CNTN4: variants seen among roughly 807,000 people sequenced by gnomAD.
The protein encoded by CNTN4 is contactin 4.
In CNTN4, 77 loss-of-function variants were observed where a neutral mutation model predicts 122.5. That is an observed-to-expected ratio of 0.63 (90% CI 0.52 to 0.76). The LOEUF is 0.76. Ranked by LOEUF, CNTN4 falls within the 30% of genes least tolerant of loss-of-function variation. The pLI, the probability that CNTN4 is intolerant of heterozygous loss-of-function variation, is 0.00. For synonymous variants in CNTN4, 512 were observed against 447.0 expected, an observed-to-expected ratio of 1.15 and a Z score of -1.83; for missense variants, 1,256 against 1,259.1, an observed-to-expected ratio of 1.00 and a Z score of 0.04.
Position 3,013,964 on chromosome 3 carries a change from A to G in CNTN4, c.1487-12138A>G, listed in dbSNP as rs889340605. ...CTATCTTTCCTACCAATACTGAGCT[A>G]TTAGATTCTAATGGATAATCTAGGA... is the stretch of plus-strand genomic sequence containing the variant. On this transcript the variant is annotated intron_variant, in intron 14 of 24. Coordinates refer to ENST00000418658, the MANE Select transcript of CNTN4 (RefSeq NM_175607.3). Among the ~76,000 whole-genome samples, 14 of 152,114 alleles carry G rather than the reference A, an allele frequency of 9.2e-5. No homozygotes were observed. The East Asian group carries it at 2.7e-3, about 29-fold the overall frequency.
chr3:2,125,085 T>C (rs1405821035), intron 2 of CNTN4, among the ~76,000 whole-genome samples: 1 of 152,134 alleles, frequency 6.6e-6, no homozygotes, highest in Admixed American at 6.5e-5. Flanking sequence ...TGAAATTTTA[T>C]ACCCTTTGTA....
chr3:2,493,250 A>G (rs2076366050), intron 3 of CNTN4, among the ~76,000 whole-genome samples: 1 of 152,070 alleles, frequency 6.6e-6, no homozygotes, highest in African/African-American at 2.4e-5. Flanking sequence ...TACCTGCTCT[A>G]AGATAATTGA....
At chr3:2,907,936 T>G (rs900950298) in intron 12 of CNTN4, among the ~76,000 whole-genome samples, 5 of 152,228 alleles carry the variant, frequency 3.3e-5, no homozygotes, top group Non-Finnish European at 5.9e-5. Context: ...TGGTTATGAG[T>G]ACATCAAATG....
rs1430334105 is a variant in CNTN4 at position 2,199,802 on chromosome 3, TTTAGG to T, written c.-145+99170_-145+99174del. ...AAACAGGAAATGTGTAAGTTGTTACTTTAGGTTAGGTAGTTGGTGTAGCTGAGATC... is the reference window on the plus strand; with the variant it reads ...AAACAGGAAATGTGTAAGTTGTTACTTTAGGTAGTTGGTGTAGCTGAGATC... On this transcript the variant is annotated intron_variant, in intron 2 of 24. Transcript: ENST00000418658. 7.2e-5 allele frequency among the ~76,000 whole-genome samples: 11 copies of T among 152,252 alleles called. No individual in the cohort carries two copies. In the East Asian group the frequency reaches 2.1e-3, roughly 29 times the overall value.
At chr3:2,698,461 C>G (rs2086170271) in intron 4 of CNTN4, among the ~76,000 whole-genome samples, 1 of 152,174 alleles carries the variant, frequency 6.6e-6, no homozygotes, top group East Asian at 1.9e-4. Context: ...GTCTAGAGCT[C>G]AGAGTGACCA....
chr3:2,819,101 G>T (rs1259677316), intron 6 of CNTN4, among the ~76,000 whole-genome samples: 1 of 152,164 alleles, frequency 6.6e-6, no homozygotes, highest in African/African-American at 2.4e-5. Context: ...ACCTAGACCT[G>T]CACTATCCAA....
chr3:2,558,603 C>A (rs1423935024), intron 3 of CNTN4, among the ~76,000 whole-genome samples: 1 of 152,132 alleles, frequency 6.6e-6, no homozygotes, highest in Non-Finnish European at 1.5e-5. Flanking sequence ...CTAATTTTGA[C>A]TATTTGGTTA....
chr3:2,310,574 A>G (rs2042878200), intron 2 of CNTN4, among the ~76,000 whole-genome samples: 1 of 152,096 alleles, frequency 6.6e-6, no homozygotes, highest in Non-Finnish European at 1.5e-5. Flanking sequence ...CCTTATTTTT[A>G]GTTTTATGCC....
intron 4 of CNTN4, among the ~76,000 whole-genome samples, chr3:2,629,202 C>T (rs1034057177): frequency 1.3e-5 from 2 of 152,262 alleles, no homozygotes; most frequent in South Asian, 4.1e-4. Flanking sequence ...GGGAGACATA[C>T]ACAGAAAAGG....
chr3:2,920,917 A>T (rs2094422912), intron 12 of CNTN4, among the ~76,000 whole-genome samples: 1 of 152,238 alleles, frequency 6.6e-6, no homozygotes, highest in Non-Finnish European at 1.5e-5. Context: ...AGACCGAAAC[A>T]ATAGAAGGAT....
At position 2,459,739 on chromosome 3, in the gene CNTN4, AGGCTAACCT is replaced by A. The variant is rs772449028; in HGVS notation, c.-88-111674_-88-111666del. 2.0e-5 allele frequency among the ~76,000 whole-genome samples: 3 copies of A among 152,148 alleles called. No homozygotes were observed. The South Asian group carries it at 6.2e-4, about 32-fold the overall frequency. Reference sequence around the variant, plus strand: ...ATTAGACCACTATGGCTGCAACAAAAGGCTAACCTGGTTCCTGTCCTTTCTAGCTAAATA... The same window carrying A: ...ATTAGACCACTATGGCTGCAACAAAAGGTTCCTGTCCTTTCTAGCTAAATA... On this transcript the variant is annotated intron_variant, in intron 3 of 24. Transcript: ENST00000418658.
intron 6 of CNTN4, among the ~76,000 whole-genome samples, chr3:2,773,441 T>A (rs2091186879): frequency 6.6e-6 from 1 of 152,208 alleles, no homozygotes; most frequent in South Asian, 2.1e-4. Flanking sequence ...AAGTAGTGGG[T>A]AGGGAAGGGA....
chr3:2,167,729 A>T (rs2036264713), intron 2 of CNTN4, among the ~76,000 whole-genome samples: 1 of 152,236 alleles, frequency 6.6e-6, no homozygotes. Flanking sequence ...AAAGTAAATG[A>T]AAACATTCGA....
chr3:2,863,372 G>A (rs75622279), intron 7 of CNTN4, among the ~76,000 whole-genome samples: 6,142 of 149,642 alleles, frequency 0.041, 159 homozygotes, highest in Middle Eastern at 0.079. Context: ...ACAAATGTCA[G>A]ATGTTGAACC....
chr3:2,692,380 G>C (rs1166089637), intron 4 of CNTN4, among the ~76,000 whole-genome samples: 6 of 152,074 alleles, frequency 3.9e-5, no homozygotes, highest in African/African-American at 1.4e-4. Flanking sequence ...TTTCCTGCCA[G>C]CCTACTTTCT....
intron 13 of CNTN4, among the ~76,000 whole-genome samples, chr3:2,966,441 A>G (rs1231875763): frequency 6.6e-6 from 1 of 152,198 alleles, no homozygotes; most frequent in East Asian, 1.9e-4. Context: ...AAACAATTGA[A>G]CTCGTGGAGA....
intron 7 of CNTN4, among the ~76,000 whole-genome samples, chr3:2,823,475 G>T (rs1200535195): frequency 6.6e-6 from 1 of 152,078 alleles, no homozygotes; most frequent in Non-Finnish European, 1.5e-5. Context: ...GTCATCTCTT[G>T]GTTTATATGT....
At chr3:2,501,461 C>A (rs1575781559) in intron 3 of CNTN4, among the ~76,000 whole-genome samples, 1 of 152,134 alleles carries the variant, frequency 6.6e-6, no homozygotes, top group East Asian at 1.9e-4. Flanking sequence ...CTAAAGTGAG[C>A]CTATAGGGCT....
chr3:2,716,435 C>G (rs148323501), intron 4 of CNTN4, among the ~76,000 whole-genome samples: 2 of 152,018 alleles, frequency 1.3e-5, no homozygotes, highest in African/African-American at 4.8e-5. Flanking sequence ...CTGTCTTAGT[C>G]AGCTAGAGCT....
Sources: gnomAD v4.1 joint callset for allele counts (sites outside exome capture counted in the v4.1 genomes callset) on GRCh38, gnomAD v4.1.1 for gene constraint, MANE v1.5 for transcripts, NCBI Gene and HGNC (gene_info 2026-07-23, HGNC 2026-07-21) for gene names.